C3orf20: variants seen among roughly 807,000 people sequenced by gnomAD.
C3orf20 encodes the protein family with sequence similarity 149 member C.
Under a neutral mutation model 88.3 loss-of-function variants are expected in C3orf20, and 76 were observed. The ratio of observed to expected loss-of-function variants is 0.86; its 90% CI spans 0.72 to 1.04. C3orf20 has a LOEUF of 1.04. Among genes scored for constraint, C3orf20 ranks in the 50% least tolerant of loss-of-function variants. The pLI, the probability that C3orf20 is intolerant of heterozygous loss-of-function variation, is 0.00. For synonymous variants in C3orf20, 436 were observed against 437.4 expected (o/e 1.00, Z 0.04); for missense variants, 1,056 against 1,123.3 (o/e 0.94, Z 0.86).
At chr3:14,735,587 A>T (rs2034679122) in intron 12 of C3orf20, among the ~76,000 whole-genome samples, 2 of 151,410 alleles carry the variant, frequency 1.3e-5, no homozygotes, top group African/African-American at 2.4e-5. Context: ...CCCATGAGAC[A>T]CTATTATGAA....
At chr3:14,751,976 G>C (rs983332249) in intron 12 of C3orf20, among the ~76,000 whole-genome samples, 1 of 152,000 alleles carries the variant, frequency 6.6e-6, no homozygotes, top group Non-Finnish European at 1.5e-5. Flanking sequence ...AATTGGAAAA[G>C]ACTACTTTAA....
intron 4 of C3orf20, among the ~76,000 whole-genome samples, chr3:14,687,329 T>C (rs1362593295): frequency 6.6e-6 from 1 of 152,232 alleles, no homozygotes; most frequent in Admixed American, 6.5e-5. Context: ...TTTTCATAAA[T>C]TTTGGCTTCC....
chr3:14,681,457 CA>C (rs2032086455), intron 1 of C3orf20, among the ~76,000 whole-genome samples: 1 of 152,234 alleles, frequency 6.6e-6, no homozygotes, highest in South Asian at 2.1e-4. Flanking sequence ...AGCCTTGGGC[CA>C]GCAGCCCTTC....
At chr3:14,757,714 G>T (rs750778781) in intron 13 of C3orf20, 40 bp downstream of exon 13, 1 of 1,576,570 alleles carries the variant, frequency 6.3e-7, no homozygotes, top group East Asian at 2.3e-5. Context: ...GAGGCCAGGG[G>T]CAGGGGTAGT....
At chr3:14,689,106 TC>T (rs1461280220) in intron 4 of C3orf20, among the ~76,000 whole-genome samples, 3 of 152,154 alleles carry the variant, frequency 2.0e-5, no homozygotes, top group Non-Finnish European at 4.4e-5. Flanking sequence ...TAGCTCTTCT[TC>T]TGAAATCACA....
chr3:14,757,601 C>A lies in C3orf20; in HGVS notation c.2171C>A (p.Thr724Asn), dbSNP rs775522917. ...GIISSQNYTS[T>N]GQLQWLLNTL... The stretch of plus-strand genomic sequence containing the variant: ...ATCTCAAGCCAGAACTACACCAGCA[C>A]TGGGCAGCTCCAGTGGCTGCTGAAC... Residue 724 changes from threonine to asparagine, a missense_variant, in exon 13 of 17, where the codon ACT becomes AAT. Physicochemically the swap from Thr to Asn is moderately conservative, Grantham distance 65. Transcript: ENST00000253697. 1 of 1,614,090 alleles carries A rather than the reference C, an allele frequency of 6.2e-7. No homozygotes were observed. The highest frequency in any genetic ancestry group is 8.5e-7 in the Non-Finnish European group (1 of 1,180,004).
Position 14,761,499 on chromosome 3 carries a change from T to G in C3orf20, c.2379T>G (p.Phe793Leu), listed in dbSNP as rs2125038269. 2 of 1,614,070 alleles carry G rather than the reference T, an allele frequency of 1.2e-6. No homozygotes were observed. The highest frequency in any genetic ancestry group is 1.7e-4 in the Middle Eastern group (1 of 6,048). ...ILMFAGGKLI[F>L]GGRVLNGYGL... ...TGTTTGCCGGGGGGAAGCTCATTTT[T>G]GGGGGCCGTGTTTTGAATGGATATG... Residue 793 changes from phenylalanine to leucine, a missense_variant, in exon 15 of 17, where the codon TTT (phenylalanine) becomes TTG (leucine). Coordinates refer to ENST00000253697, the MANE Select transcript of C3orf20 (RefSeq NM_032137.5).
intron 5 of C3orf20, among the ~76,000 whole-genome samples, chr3:14,696,134 T>C (rs2032987618): frequency 6.6e-6 from 1 of 151,240 alleles, no homozygotes; most frequent in African/African-American, 2.4e-5. Context: ...TTTTTTTTAT[T>C]TTTTGTGTAC....
At chr3:14,721,854 C>T in intron 10 of C3orf20, 70 bp downstream of exon 10, 1 of 1,587,750 alleles carries the variant, frequency 6.3e-7, no homozygotes, top group Non-Finnish European at 8.6e-7. Flanking sequence ...TGTTTCATAT[C>T]TCAGGGCCTT....
At chr3:14,714,686 C>T (rs543753801) in intron 8 of C3orf20, among the ~76,000 whole-genome samples, 4 of 152,272 alleles carry the variant, frequency 2.6e-5, no homozygotes, top group African/African-American at 9.6e-5. Flanking sequence ...TCACTGCAGC[C>T]TCGAACTCCT....
intron 1 of C3orf20, among the ~76,000 whole-genome samples, chr3:14,678,841 G>T (rs1265364184): frequency 6.6e-6 from 1 of 152,164 alleles, no homozygotes; most frequent in Non-Finnish European, 1.5e-5. Context: ...AACACAATTA[G>T]CCATTAAAGA....
At chr3:14,675,787 T>C (rs1575078259) in intron 1 of C3orf20, among the ~76,000 whole-genome samples, 1 of 151,944 alleles carries the variant, frequency 6.6e-6, no homozygotes, top group Admixed American at 6.6e-5. Flanking sequence ...ACTCCCCGGG[T>C]TCAAGTGATT....
At chr3:14,715,260 G>C in intron 8 of C3orf20, 29 bp from the exon 9 acceptor site, 1 of 1,603,506 alleles carries the variant, frequency 6.2e-7, no homozygotes, top group Non-Finnish European at 8.5e-7. Flanking sequence ...GGGCCCGGTG[G>C]CAGCTACTCA....
chr3:14,707,820 C>CT lies in C3orf20; in HGVS notation c.1160+3218dup, dbSNP rs60474912. Among the ~76,000 whole-genome samples the CT allele has an allele frequency of 4.3e-4, 53 of 122,114 alleles. 1 individual carries two copies. Among genetic ancestry groups the CT allele is most frequent in the South Asian group, 3.0e-3 (12 of 3,992 alleles). 80.1% of individuals were successfully genotyped at this position (122,114 alleles called of 152,430 possible). ...ATAACATTTACCCCTGTGTTTTCCT[C>CT]TTTTTTTTTTTTTTTTGAGACAGAG... On this transcript the variant is annotated intron_variant, in intron 7 of 16. Transcript: ENST00000253697.
At chr3:14,757,320 A>G (rs781659036) in intron 12 of C3orf20, 51 bp from the exon 13 acceptor site, 18 of 1,505,720 alleles carry the variant, frequency 1.2e-5, no homozygotes, top group Non-Finnish European at 1.6e-5. Flanking sequence ...TGGGAACCAC[A>G]GACCTTCACC....
chr3:14,768,516 A>G lies in C3orf20; in HGVS notation c.2496-3551A>G, dbSNP rs1272449970. On this transcript the variant is annotated intron_variant, in intron 15 of 16. Coordinates refer to ENST00000253697, the MANE Select transcript of C3orf20 (RefSeq NM_032137.5). This position sits in a 1 kb window ranked among gnomAD's most constrained non-coding sequence, Gnocchi z 4.1. ...AGCTAATGAAGGTTCTTGAGCTGAG[A>G]GAGACTTGATCAGAGTTGGGCTTTA... Among the ~76,000 whole-genome samples, 4 of 152,006 alleles carry G rather than the reference A, an allele frequency of 2.6e-5. No homozygotes were observed. The highest frequency in any genetic ancestry group is 9.7e-5 in the African/African-American group (4 of 41,314).
Position 14,756,835 on chromosome 3 carries a change from A to G in C3orf20, c.1941-536A>G, listed in dbSNP as rs114274144. ...TTGGCTTTTATTCTGTAAAAGGTAG[A>G]AAGCCACCGGAGGGTTTTGAAGAGA... On this transcript the variant is annotated intron_variant, in intron 12 of 16. Transcript: ENST00000253697. Among the ~76,000 whole-genome samples, 745 of 152,356 alleles carry G rather than the reference A, an allele frequency of 4.9e-3. 7 individuals are homozygous for G. Among genetic ancestry groups the G allele is most frequent in the African/African-American group, 0.017 (711 of 41,578 alleles).
intron 5 of C3orf20, among the ~76,000 whole-genome samples, chr3:14,693,108 T>C (rs2032813065): frequency 6.6e-6 from 1 of 152,230 alleles, no homozygotes; most frequent in Admixed American, 6.5e-5. Flanking sequence ...AGTACCATGC[T>C]GTTTTGGTTA....
intron 1 of C3orf20, among the ~76,000 whole-genome samples, chr3:14,677,091 C>T (rs779474753): frequency 9.2e-5 from 14 of 152,136 alleles, no homozygotes; most frequent in Non-Finnish European, 1.2e-4. Flanking sequence ...TGCAGTCACG[C>T]GCTGACATCT....
Sources: allele counts gnomAD v4.1 joint callset (sites outside exome capture counted in the v4.1 genomes callset), GRCh38; gene constraint gnomAD v4.1.1; non-coding constraint Gnocchi (gnomAD v3.1); transcripts MANE v1.5; gene names NCBI Gene and HGNC (gene_info 2026-07-23, HGNC 2026-07-21).